ZNF140: variants seen among roughly 807,000 people sequenced by gnomAD.
ZNF140 encodes zinc finger protein 140.
In ZNF140, 13 loss-of-function variants were observed where a neutral mutation model predicts 12.9. That is an observed-to-expected ratio of 1.01 (90% confidence interval 0.66 to 1.60). The LOEUF (loss-of-function observed/expected upper bound fraction) is 1.60, where lower values mean the gene tolerates loss of function less well. Among genes scored for constraint, ZNF140 ranks in the 40% most tolerant of loss-of-function variants. The pLI, the probability that ZNF140 is intolerant of heterozygous loss-of-function variation, is 0.00. For synonymous variants in ZNF140, 214 were observed against 186.7 expected (o/e 1.15, Z -1.19); for missense variants, 531 against 548.8 (o/e 0.97, Z 0.32).
intron 2 of ZNF140, chr12:133,081,549 T>G (rs964503433): frequency 5.9e-5 from 27 of 456,414 alleles, no homozygotes; most frequent in East Asian, 2.8e-4. Context: ...GACGTGGCTT[T>G]CTTTCTCCTA....
At chr12:133,083,257 G>C in intron 3 of ZNF140, 28 bp downstream of exon 3, 1 of 1,598,102 alleles carries the variant, frequency 6.3e-7, no homozygotes, top group Non-Finnish European at 8.6e-7. Context: ...TCTCCCTCAA[G>C]GCAAAATTTG....
At chr12:133,083,070 G>C in intron 2 of ZNF140, 33 bp from the exon 3 acceptor site, 3 of 1,613,960 alleles carry the variant, frequency 1.9e-6, no homozygotes, top group Non-Finnish European at 2.5e-6. Flanking sequence ...GGGCATGCGT[G>C]CTGGTCATGC....
intron 4 of ZNF140, among the ~76,000 whole-genome samples, chr12:133,102,097 C>T (rs1444488518): frequency 6.6e-6 from 1 of 152,110 alleles, no homozygotes; most frequent in Non-Finnish European, 1.5e-5. Context: ...ATCTTAAAAT[C>T]ATGGTAAGCC....
At chr12:133,099,547 G>A (rs1168008201) in intron 4 of ZNF140, among the ~76,000 whole-genome samples, 7 of 152,306 alleles carry the variant, frequency 4.6e-5, no homozygotes, top group African/African-American at 1.7e-4. Flanking sequence ...CTAAGGCTGG[G>A]TGCAGTGGCT....
chr12:133,091,552 C>T (rs975227899), intron 4 of ZNF140, among the ~76,000 whole-genome samples: 18 of 150,580 alleles, frequency 1.2e-4, no homozygotes, highest in Middle Eastern at 3.4e-3. Context: ...TACATTTCCC[C>T]CTTTTCTTTT....
chr12:133,102,323 A>G (rs1485810973), intron 4 of ZNF140, among the ~76,000 whole-genome samples: 5 of 152,298 alleles, frequency 3.3e-5, no homozygotes, highest in Non-Finnish European at 7.4e-5. Context: ...TTGATCTTAA[A>G]TAACATTGGT....
Position 133,081,035 on chromosome 12 carries a change from A to G in ZNF140, c.-86A>G. On this transcript the variant is annotated 5_prime_UTR_variant, in exon 1 of 5. Coordinates refer to ENST00000355557, the MANE Select transcript of ZNF140 (RefSeq NM_003440.4). Reference sequence around the variant, plus strand: ...GGAACGCTACGCCCACCTGGCGGAAAGCACCACGGAAACGCATCCTTCTGT... The same window carrying G: ...GGAACGCTACGCCCACCTGGCGGAAGGCACCACGGAAACGCATCCTTCTGT... The G allele has an allele frequency of 5.1e-6, 1 of 197,038 alleles. No individual in the cohort carries two copies. Among genetic ancestry groups the G allele is most frequent in the Non-Finnish European group, 1.1e-5 (1 of 92,376 alleles). The allele number at this position is 197,038 out of a possible 1,614,324, so 12.2% of individuals were successfully genotyped here.
In ZNF140 at chr12:133,106,512, C is replaced by G. The variant is rs777125253; in HGVS notation, c.1235C>G (p.Pro412Arg). 15 of 1,613,890 alleles carry G rather than the reference C, an allele frequency of 9.3e-6. No homozygotes were observed. The highest frequency in any genetic ancestry group is 4.5e-5 in the East Asian group (2 of 44,894). The change falls in exon 5 of 5, where the codon CCC (proline) becomes CGC (arginine). Residue 412 changes from proline (P) to arginine (R), a missense_variant. Pro to Arg is a moderately radical substitution (Grantham distance 103). Transcript: ENST00000355557. ...CAGAGAACTCATACTGGAGAGAAAC[C>G]CTATGTATGTAAGGTATGCAACAAA... ...LHQRTHTGEK[P>R]YVCKVCNKSF...
chr12:133,081,351 A>G (rs1162000192), intron 2 of ZNF140, 22 bp downstream of exon 2: 32 of 240,092 alleles, frequency 1.3e-4, no homozygotes, highest in African/African-American at 7.5e-4. Flanking sequence ...ATTGATAAAT[A>G]TATATATATA....
intron 4 of ZNF140, chr12:133,093,557 A>G: frequency 1.5e-6 from 1 of 683,714 alleles, no homozygotes; most frequent in Non-Finnish European, 2.7e-6. Flanking sequence ...CACAAGCAAA[A>G]TCTCTCCCCC....
At position 133,105,491 on chromosome 12, in the gene ZNF140, T is replaced by A; in HGVS notation, c.233-19T>A. 1 of 1,558,514 alleles carries A rather than the reference T, an allele frequency of 6.4e-7. No homozygotes were observed. The highest frequency in any genetic ancestry group is 8.6e-7 in the Non-Finnish European group (1 of 1,156,986). On this transcript the variant is annotated intron_variant, in intron 4 of 4. Coordinates refer to ENST00000355557, the MANE Select transcript of ZNF140 (RefSeq NM_003440.4). ...ATACAGGAAAAAGAAACATTCACTT[T>A]TTTTTTGGTATCTTTCAGTTTCAGA... is the stretch of plus-strand genomic sequence containing the variant.
chr12:133,098,450 G>A (rs1955217704), intron 4 of ZNF140, among the ~76,000 whole-genome samples: 1 of 151,824 alleles, frequency 6.6e-6, no homozygotes, highest in South Asian at 2.1e-4. Context: ...ATGTTGGCCA[G>A]GCTGGTCTCA....
intron 4 of ZNF140, among the ~76,000 whole-genome samples, chr12:133,104,202 G>A (rs1955479156): frequency 6.6e-6 from 1 of 152,134 alleles, no homozygotes; most frequent in East Asian, 1.9e-4. Flanking sequence ...TACAAAGAAT[G>A]TTCACATTCA....
Position 133,098,675 on chromosome 12 carries a change from T to C in ZNF140, c.233-6835T>C, listed in dbSNP as rs942895013. Among the ~76,000 whole-genome samples the C allele has an allele frequency of 1.1e-3, 173 of 152,322 alleles. 2 individuals carry two copies. The highest frequency in any genetic ancestry group is 3.9e-3 in the African/African-American group (163 of 41,562). ...TCACTGTTGTCATTCATTTCACTTA[T>C]ATGTAAGCTATAATCATAAAATACA... On this transcript the variant is annotated intron_variant, in intron 4 of 4. Coordinates refer to ENST00000355557, the MANE Select transcript of ZNF140 (RefSeq NM_003440.4).
rs753840972 is a variant in ZNF140, at chr12:133,106,562, G to T, written c.1285G>T (p.Ala429Ser). The T allele has an allele frequency of 1.2e-6, 2 of 1,613,786 alleles. No individual in the cohort carries two copies. The highest frequency in any genetic ancestry group is 2.2e-5 in the South Asian group (2 of 91,076). The change falls in exon 5 of 5, where the codon GCT (alanine) becomes TCT (serine). Residue 429 changes from alanine (A) to serine (S), a missense_variant. Coordinates refer to ENST00000355557, the MANE Select transcript of ZNF140 (RefSeq NM_003440.4). Reference sequence around the variant, plus strand: ...ATCCTTCAGCTGGAGCTCAAACCTTGCTAAACATCAGAGGACACACACTCT... The same window carrying T: ...ATCCTTCAGCTGGAGCTCAAACCTTTCTAAACATCAGAGGACACACACTCT... ...NKSFSWSSNL[A>S]KHQRTHTLDN...
At chr12:133,097,954 C>T (rs1157832776) in intron 4 of ZNF140, among the ~76,000 whole-genome samples, 1 of 151,982 alleles carries the variant, frequency 6.6e-6, no homozygotes, top group Non-Finnish European at 1.5e-5. Flanking sequence ...CTGCCTCAGC[C>T]TCCTATGTAG....
Position 133,081,268 on chromosome 12 carries a change from G to T in ZNF140, c.-48-5G>T. On this transcript the variant is annotated splice_polypyrimidine_tract_variant and splice_region_variant and intron_variant, in intron 1 of 4. Coordinates refer to ENST00000355557, the MANE Select transcript of ZNF140 (RefSeq NM_003440.4). ...TCGCTCAGGGCTCCTTTCTCTCTCT[G>T]CCAGGTCTGCCATTTTACACTTTTC... The T allele has an allele frequency of 1.3e-6, 2 of 1,524,714 alleles. No homozygotes were observed. The highest frequency in any genetic ancestry group is 1.8e-6 in the Non-Finnish European group (2 of 1,121,276). 94.4% of individuals were successfully genotyped at this position (1,524,714 alleles called of 1,614,324 possible).
At chr12:133,098,859 TG>T (rs1461279758) in intron 4 of ZNF140, among the ~76,000 whole-genome samples, 1 of 151,486 alleles carries the variant, frequency 6.6e-6, no homozygotes, top group Non-Finnish European at 1.5e-5. Flanking sequence ...TGTGCCACCA[TG>T]CCTGGCTAAT....
intron 4 of ZNF140, among the ~76,000 whole-genome samples, chr12:133,095,652 T>TG (rs1955056509): frequency 2.7e-5 from 4 of 150,498 alleles, no homozygotes; most frequent in Non-Finnish European, 5.9e-5. Context: ...CAGTTTTTAT[T>TG]ATTATTTTCA....
Sources: gnomAD v4.1 joint callset for allele counts (sites outside exome capture counted in the v4.1 genomes callset) on GRCh38, gnomAD v4.1.1 for gene constraint, MANE v1.5 for transcripts, NCBI Gene and HGNC (gene_info 2026-07-23, HGNC 2026-07-21) for gene names.